The following PPP3CA variants were observed in gnomAD, a reference collection of about 807,000 sequenced individuals.
The protein encoded by PPP3CA is protein phosphatase 3 catalytic subunit alpha.
Under a neutral mutation model 66.5 loss-of-function variants are expected in PPP3CA, and 14 were observed. The observed-to-expected ratio is 0.21, with a 90% CI of 0.14 to 0.33. PPP3CA has a LOEUF of 0.33. Ranked by LOEUF, PPP3CA falls within the 10% of genes least tolerant of loss-of-function variation. The pLI, the probability that PPP3CA is intolerant of heterozygous loss-of-function variation, is 1.00. For synonymous variants in PPP3CA, 232 were observed against 226.2 expected (o/e 1.03, Z -0.23); for missense variants, 317 against 639.5 (o/e 0.50, Z 5.44).
intron 2 of PPP3CA, among the ~76,000 whole-genome samples, chr4:101,175,152 G>C (rs1300943259): frequency 6.6e-6 from 1 of 152,132 alleles, no homozygotes; most frequent in Non-Finnish European, 1.5e-5. Flanking sequence ...AGAATTTTTG[G>C]AAGAAGAAGC....
intron 2 of PPP3CA, among the ~76,000 whole-genome samples, chr4:101,152,794 C>T (rs911891441): frequency 7.2e-5 from 11 of 151,884 alleles, no homozygotes; most frequent in African/African-American, 2.7e-4. Flanking sequence ...AACATATATT[C>T]TAGAAAGATC....
chr4:101,086,092 T>TA (rs1422990927), intron 6 of PPP3CA, among the ~76,000 whole-genome samples: 1 of 152,074 alleles, frequency 6.6e-6, no homozygotes, highest in Non-Finnish European at 1.5e-5. Flanking sequence ...TAAAGCATTA[T>TA]AAAAAATATT....
chr4:101,033,830 ATTTG>A (rs1446010193), intron 11 of PPP3CA, among the ~76,000 whole-genome samples: 6 of 152,254 alleles, frequency 3.9e-5, no homozygotes, highest in South Asian at 4.1e-4. Context: ...CTTTCTGTAG[ATTTG>A]TTTCTCTTGG....
intron 1 of PPP3CA, among the ~76,000 whole-genome samples, chr4:101,223,364 C>T (rs1372724688): frequency 2.0e-5 from 3 of 151,772 alleles, no homozygotes; most frequent in African/African-American, 7.2e-5. Context: ...ACATATTAAA[C>T]TCCTTGGCTC....
intron 8 of PPP3CA, among the ~76,000 whole-genome samples, chr4:101,078,380 A>T (rs1297060003): frequency 6.6e-6 from 1 of 152,174 alleles, no homozygotes; most frequent in African/African-American, 2.4e-5. Flanking sequence ...CTTTAAAAAT[A>T]TTCATTGGCC....
At chr4:101,286,005 G>C (rs1342365967) in intron 1 of PPP3CA, among the ~76,000 whole-genome samples, 1 of 152,194 alleles carries the variant, frequency 6.6e-6, no homozygotes, top group Admixed American at 6.5e-5. Context: ...TTTCGTGTAA[G>C]ACAATTTTTT....
chr4:101,063,716 T>A (rs1470320682), intron 8 of PPP3CA, among the ~76,000 whole-genome samples: 1 of 152,098 alleles, frequency 6.6e-6, no homozygotes, highest in Middle Eastern at 3.4e-3. Flanking sequence ...ACAGCTAAGT[T>A]TGACATAATA....
chr4:101,033,847 A>G (rs919200097), intron 11 of PPP3CA, among the ~76,000 whole-genome samples: 1 of 152,178 alleles, frequency 6.6e-6, no homozygotes, highest in Admixed American at 6.5e-5. Context: ...TCTCTTGGAC[A>G]TTTCATATAA....
intron 1 of PPP3CA, among the ~76,000 whole-genome samples, chr4:101,197,229 T>A (rs1410042068): frequency 2.6e-5 from 4 of 152,224 alleles, no homozygotes; most frequent in Admixed American, 2.6e-4. Flanking sequence ...TTCCTAAAAG[T>A]GTCTCTCAAA....
intron 2 of PPP3CA, among the ~76,000 whole-genome samples, chr4:101,145,815 T>C (rs1722951433): frequency 6.6e-6 from 1 of 152,020 alleles, no homozygotes; most frequent in Non-Finnish European, 1.5e-5. Flanking sequence ...TAAAAAGAAA[T>C]AACATCACTG....
At chr4:101,065,594 T>G (rs1560584846) in intron 8 of PPP3CA, among the ~76,000 whole-genome samples, 1 of 152,120 alleles carries the variant, frequency 6.6e-6, no homozygotes, top group African/African-American at 2.4e-5. Context: ...CTCAAGATCA[T>G]GCAACCAGTA....
chr4:101,181,111 T>C (rs896942357), intron 2 of PPP3CA, among the ~76,000 whole-genome samples: 10 of 152,082 alleles, frequency 6.6e-5, no homozygotes, highest in African/African-American at 2.2e-4. Flanking sequence ...TTTAAAAATA[T>C]TTAAGAATGT....
At chr4:101,063,466 T>C in intron 8 of PPP3CA, 109 bp from the exon 9 acceptor site, 1 of 1,323,694 alleles carries the variant, frequency 7.6e-7, no homozygotes, top group Non-Finnish European at 1.0e-6. Flanking sequence ...TTCCAAAACA[T>C]CCAGGCTCAC....
chr4:101,128,295 GATAA>G (rs1452495697), intron 2 of PPP3CA, among the ~76,000 whole-genome samples: 2 of 152,076 alleles, frequency 1.3e-5, no homozygotes, highest in African/African-American at 4.8e-5. Flanking sequence ...ACAAAGAAAT[GATAA>G]ATGTTTGTGA....
intron 5 of PPP3CA, 106 bp downstream of exon 5, chr4:101,098,261 T>C (rs909723775): frequency 4.8e-5 from 60 of 1,245,032 alleles, no homozygotes; most frequent in Non-Finnish European, 6.2e-5. Context: ...TTTAAATTAT[T>C]TGAACTCAAA....
intron 3 of PPP3CA, among the ~76,000 whole-genome samples, chr4:101,104,277 G>A (rs950972441): frequency 1.3e-5 from 2 of 152,086 alleles, no homozygotes; most frequent in African/African-American, 2.4e-5. Context: ...GATAATACAC[G>A]CTGGAAAACT....
intron 1 of PPP3CA, among the ~76,000 whole-genome samples, chr4:101,302,226 C>T (rs1415072177): frequency 6.6e-6 from 1 of 152,182 alleles, no homozygotes; most frequent in African/African-American, 2.4e-5. Context: ...AAGCATCAAG[C>T]ATCAGCTCCC....
intron 2 of PPP3CA, among the ~76,000 whole-genome samples, chr4:101,141,297 G>T (rs1414644086): frequency 6.6e-6 from 1 of 150,672 alleles, no homozygotes; most frequent in African/African-American, 2.5e-5. Context: ...TTGAACCCAG[G>T]AGGTGGAGGT....
chr4:101,076,304 C>A, intron 8 of PPP3CA, among the ~76,000 whole-genome samples: 1 of 142,082 alleles, frequency 7.0e-6, no homozygotes, highest in African/African-American at 2.7e-5. Flanking sequence ...GCTGTTAATT[C>A]TCCAAAAAAA....
Sources: allele counts gnomAD v4.1 joint callset (sites outside exome capture counted in the v4.1 genomes callset), GRCh38; gene constraint gnomAD v4.1.1; transcripts MANE v1.5; gene names NCBI Gene and HGNC (gene_info 2026-07-23, HGNC 2026-07-21).